The following COBL variants were observed in gnomAD, a reference collection of about 807,000 sequenced individuals.
The protein encoded by COBL is cordon-bleu WH2 repeat protein.
A neutral mutation model predicts 98.8 loss-of-function variants in COBL; 51 were observed. That is an observed-to-expected ratio of 0.52 (90% CI 0.41 to 0.65). The LOEUF is 0.65. Among genes scored for constraint, COBL ranks in the 30% least tolerant of loss-of-function variants. The probability of loss-of-function intolerance (pLI) is 0.00; values close to 1 mark genes in which losing one functional copy is unlikely to be tolerated. For missense variants in COBL, 1,617 were observed against 1,617.5 expected (o/e 1.00, Z 0.01); for synonymous variants, 634 against 651.7 (o/e 0.97, Z 0.41).
chr7:51,313,554 G>A (rs983853555), intron 1 of COBL, among the ~76,000 whole-genome samples: 39 of 152,274 alleles, frequency 2.6e-4, no homozygotes, highest in Non-Finnish European at 5.1e-4. Flanking sequence ...CTTGAATACA[G>A]CCATTGATCA....
chr7:51,309,683 A>C (rs1023479086), intron 1 of COBL, among the ~76,000 whole-genome samples: 5 of 152,232 alleles, frequency 3.3e-5, no homozygotes, highest in African/African-American at 1.2e-4. Context: ...TAGAGCTCAC[A>C]TGAGTCTTAA....
At chr7:51,306,855 C>T in intron 1 of COBL, among the ~76,000 whole-genome samples, 1 of 152,214 alleles carries the variant, frequency 6.6e-6, no homozygotes, top group East Asian at 1.9e-4. Context: ...CAAAATGCTG[C>T]TGAGACACTC....
At chr7:51,102,823 G>A (rs2196609) in intron 6 of COBL, among the ~76,000 whole-genome samples, 60,180 of 152,078 alleles carry the variant, frequency 0.4, 12,101 homozygotes, top group East Asian at 0.56. Context: ...ACACACAAGC[G>A]AAGGAAAACC....
intron 6 of COBL, among the ~76,000 whole-genome samples, chr7:51,134,060 A>T (rs190251667): frequency 6.6e-6 from 1 of 152,356 alleles, no homozygotes; most frequent in African/African-American, 2.4e-5. Flanking sequence ...GGTGTTAGTA[A>T]CAGTTGCATA....
At chr7:51,197,864 G>C (rs1274962968) in intron 2 of COBL, among the ~76,000 whole-genome samples, 2 of 152,032 alleles carry the variant, frequency 1.3e-5, no homozygotes, top group African/African-American at 2.4e-5. Flanking sequence ...CCATTTGCTT[G>C]GTAGATTTTT....
intron 12 of COBL, 71 bp from the exon 13 acceptor site, chr7:51,017,639 A>G (rs181709480): frequency 2.1e-5 from 32 of 1,521,834 alleles, no homozygotes; most frequent in Non-Finnish European, 2.9e-5. Flanking sequence ...CTGGTGCTAG[A>G]GAGCTCTGTG....
At chr7:51,065,466 G>A in intron 7 of COBL, 1 of 691,090 alleles carries the variant, frequency 1.4e-6, no homozygotes, top group Non-Finnish European at 2.7e-6. Flanking sequence ...GGGCAAGGAG[G>A]AAATTCAAAG....
At chr7:51,268,660 G>A (rs897065404) in intron 1 of COBL, among the ~76,000 whole-genome samples, 7 of 152,088 alleles carry the variant, frequency 4.6e-5, no homozygotes, top group East Asian at 3.9e-4. Flanking sequence ...AGCTGGGCAC[G>A]GTGGCTCATG....
In COBL at chr7:51,085,207, T is replaced by G. The variant is rs780349607; in HGVS notation, c.1055A>C (p.Asn352Thr). ...QPPPPSPLIPNRTEDKEENRK... is the reference protein window; with the variant it reads ...QPPPPSPLIPTRTEDKEENRK... ...GTTCTCCTCCTTATCCTCAGTGCGG[T>G]TGGGGATCAGGGGACTCGGTGGTGG... Residue 352 changes from asparagine to threonine, a missense_variant, in exon 7 of 13, where the codon AAC (asparagine) becomes ACC (threonine). Asn to Thr is a moderately conservative substitution (Grantham distance 65). Coordinates refer to ENST00000265136, the MANE Select transcript of COBL (RefSeq NM_015198.5). 1.2e-6 allele frequency: 2 copies of G among 1,613,858 alleles called. No individual in the cohort carries two copies. Among genetic ancestry groups the G allele is most frequent in the Admixed American group, 1.7e-5 (1 of 60,006 alleles).
chr7:51,229,430 C>T (rs1376347970), intron 1 of COBL, among the ~76,000 whole-genome samples: 2 of 152,190 alleles, frequency 1.3e-5, no homozygotes, highest in Admixed American at 6.5e-5. Context: ...AAGGGCTGAG[C>T]TCGCCTTTCA....
chr7:51,208,993 T>G (rs2129074423), intron 2 of COBL, among the ~76,000 whole-genome samples: 1 of 141,818 alleles, frequency 7.1e-6, no homozygotes, highest in African/African-American at 2.7e-5. Flanking sequence ...TCCACTATTG[T>G]CCTATGACCC....
intron 1 of COBL, among the ~76,000 whole-genome samples, chr7:51,222,869 C>A (rs185691674): frequency 1.1e-4 from 16 of 152,116 alleles, no homozygotes; most frequent in Non-Finnish European, 2.4e-4. Context: ...TGGAGAGAGT[C>A]GGGAGAGGTT....
chr7:51,143,167 C>G (rs1318791742), intron 5 of COBL, among the ~76,000 whole-genome samples: 1 of 152,086 alleles, frequency 6.6e-6, no homozygotes, highest in African/African-American at 2.4e-5. Context: ...AGAAGAGCAT[C>G]AGGGAAAGGA....
At chr7:51,260,246 A>G in intron 1 of COBL, 1 of 531,152 alleles carries the variant, frequency 1.9e-6, no homozygotes, top group Non-Finnish European at 3.3e-6. Flanking sequence ...AAGACCATAT[A>G]CTATTTTTAA....
chr7:51,209,041 TCAA>T (rs1563041285), intron 2 of COBL, among the ~76,000 whole-genome samples: 8 of 76,022 alleles, frequency 1.1e-4, no homozygotes, highest in African/African-American at 3.5e-4. Flanking sequence ...CCAAGAATGA[TCAA>T]TTAAAAAAAA....
chr7:51,022,773 T>C (rs571715389), intron 12 of COBL: 5 of 152,352 alleles, frequency 3.3e-5, no homozygotes, highest in African/African-American at 4.8e-5. Flanking sequence ...AGATGACTTT[T>C]ATAAAGCAGT....
At chr7:51,061,942 A>G (rs1156306489) in intron 7 of COBL, among the ~76,000 whole-genome samples, 1 of 41,148 alleles carries the variant, frequency 2.4e-5, no homozygotes, top group Admixed American at 3.2e-4. Context: ...ATCTCTCCCC[A>G]CCATAGATAC....
chr7:51,267,693 G>C (rs572346305), intron 1 of COBL, among the ~76,000 whole-genome samples: 1 of 152,122 alleles, frequency 6.6e-6, no homozygotes, highest in African/African-American at 2.4e-5. Flanking sequence ...TCGTGCCTCA[G>C]CCTCCAAGAA....
intron 3 of COBL, among the ~76,000 whole-genome samples, chr7:51,191,448 A>G (rs1790109301): frequency 6.6e-6 from 1 of 152,070 alleles, no homozygotes; most frequent in Non-Finnish European, 1.5e-5. Context: ...AGCAGTATGA[A>G]TAATTTAAAG....
Sources: gnomAD v4.1 joint callset for allele counts (sites outside exome capture counted in the v4.1 genomes callset) on GRCh38, gnomAD v4.1.1 for gene constraint, MANE v1.5 for transcripts, NCBI Gene and HGNC (gene_info 2026-07-23, HGNC 2026-07-21) for gene names.